AOX1: variants seen among roughly 807,000 people sequenced by gnomAD.
AOX1 encodes the protein aldehyde oxidase.
In AOX1, 153 loss-of-function variants were observed where a neutral mutation model predicts 169.5. The observed-to-expected ratio is 0.90, with a 90% CI of 0.79 to 1.03. AOX1 has a LOEUF of 1.03. Among genes scored for constraint, AOX1 ranks in the 50% least tolerant of loss-of-function variants. AOX1 has a pLI of 0.00. For missense variants in AOX1, 1,656 were observed against 1,663.9 expected (o/e 1.00, Z 0.08); for synonymous variants, 562 against 581.9 (o/e 0.97, Z 0.49).
At chr2:200,679,076 G>T (rs1007030650), downstream of AOX1, among the ~76,000 whole-genome samples, 2 of 152,048 alleles carry the variant, frequency 1.3e-5, no homozygotes, top group African/African-American at 2.4e-5. Context: ...AGATAGTTTG[G>T]AAAGAAAAAT....
intron 1 of AOX1, among the ~76,000 whole-genome samples, chr2:200,589,629 A>G (rs1471101528): frequency 6.6e-6 from 1 of 152,246 alleles, no homozygotes; most frequent in Non-Finnish European, 1.5e-5. Context: ...GTGGGTGTAC[A>G]CAGTAAACAG....
At chr2:200,596,691 A>G (rs1047372447) in intron 3 of AOX1, among the ~76,000 whole-genome samples, 2 of 152,222 alleles carry the variant, frequency 1.3e-5, no homozygotes, top group Admixed American at 6.5e-5. Context: ...CAGGAAGAGA[A>G]TAATTGTATC....
chr2:200,666,656 A>G, intron 31 of AOX1, 31 bp from the exon 32 acceptor site: 1 of 1,548,444 alleles, frequency 6.5e-7, no homozygotes, highest in Non-Finnish European at 8.8e-7. Flanking sequence ...TTCTCATTAA[A>G]ATAAACATTT....
chr2:200,600,768 G>A (rs1340247815), intron 5 of AOX1, among the ~76,000 whole-genome samples: 2 of 152,134 alleles, frequency 1.3e-5, no homozygotes, highest in Non-Finnish European at 2.9e-5. Context: ...TTTCATGGCT[G>A]TTTATGATGT....
intron 20 of AOX1, 120 bp from the exon 21 acceptor site, chr2:200,634,671 C>T: frequency 2.4e-6 from 3 of 1,235,372 alleles, no homozygotes; most frequent in Non-Finnish European, 3.4e-6. Flanking sequence ...GTTTGTTATA[C>T]TTCACTGTGC....
At chr2:200,606,910 C>A (rs2034529170) in intron 10 of AOX1, among the ~76,000 whole-genome samples, 1 of 152,164 alleles carries the variant, frequency 6.6e-6, no homozygotes, top group African/African-American at 2.4e-5. Context: ...TCTAAGTACA[C>A]AATCATGTCA....
intron 25 of AOX1, among the ~76,000 whole-genome samples, chr2:200,643,945 G>T (rs557714918): frequency 2.7e-5 from 4 of 149,480 alleles, no homozygotes; most frequent in Non-Finnish European, 5.9e-5. Flanking sequence ...GTTTCTTGTA[G>T]GTTATGGATA....
At chr2:200,608,722 A>T (rs1285625110) in intron 10 of AOX1, among the ~76,000 whole-genome samples, 1 of 87,264 alleles carries the variant, frequency 1.1e-5, no homozygotes, top group Non-Finnish European at 2.6e-5. Flanking sequence ...CACTACCACC[A>T]CCTCTATCAT....
intron 14 of AOX1, 91 bp downstream of exon 14, chr2:200,612,884 G>A: frequency 3.0e-6 from 3 of 1,013,250 alleles, no homozygotes; most frequent in Non-Finnish European, 1.4e-6. Context: ...GTGATTACAA[G>A]AAGAAAAGTG....
intron 14 of AOX1, among the ~76,000 whole-genome samples, chr2:200,613,354 C>T (rs2034685649): frequency 6.6e-6 from 1 of 152,156 alleles, no homozygotes; most frequent in African/African-American, 2.4e-5. Flanking sequence ...AGTCAGCTTA[C>T]TTAATTATAT....
intron 26 of AOX1, among the ~76,000 whole-genome samples, chr2:200,656,611 T>C (rs1246188539): frequency 6.6e-6 from 1 of 152,140 alleles, no homozygotes; most frequent in Non-Finnish European, 1.5e-5. Flanking sequence ...AGAATATGTG[T>C]GCACACAATT....
Position 200,604,077 on chromosome 2 carries a change from A to G in AOX1, c.649A>G (p.Ile217Val). 2 of 1,612,400 alleles carry G rather than the reference A, an allele frequency of 1.2e-6. No individual in the cohort carries two copies. Among genetic ancestry groups the G allele is most frequent in the South Asian group, 1.1e-5 (1 of 91,052 alleles). The part of the protein sequence containing the change: ...FLPLDPTQEL[I>V]FPPELMIMAE... ...GCCATTGGATCCAACCCAGGAACTG[A>G]TATTTCCTCCTGAGCTAATGGTGAG... The change falls in exon 8 of 35, where the codon ATA becomes GTA. Residue 217 changes from isoleucine to valine, a missense_variant. Coordinates refer to ENST00000374700, the MANE Select transcript of AOX1 (RefSeq NM_001159.4).
intron 30 of AOX1, among the ~76,000 whole-genome samples, chr2:200,662,105 GA>G (rs1241249949): frequency 6.6e-6 from 1 of 152,206 alleles, no homozygotes; most frequent in Non-Finnish European, 1.5e-5. Context: ...AGTGAATCTG[GA>G]AAACAGTTTA....
chr2:200,659,953 A>G lies in AOX1; in HGVS notation c.3301-42A>G, dbSNP rs2035788745. On this transcript the variant is annotated intron_variant, in intron 28 of 34. Coordinates refer to ENST00000374700, the MANE Select transcript of AOX1 (RefSeq NM_001159.4). Reference sequence around the variant, plus strand: ...ATGTTGTTTTGAATTTGGTGTTTGCATGAAATTAGGAGCATAATTTTAATT... The same window carrying G: ...ATGTTGTTTTGAATTTGGTGTTTGCGTGAAATTAGGAGCATAATTTTAATT... 6.1e-6 allele frequency: 9 copies of G among 1,484,002 alleles called. No individual in the cohort carries two copies. In the East Asian group the frequency reaches 1.8e-4, roughly 30 times the overall value. 91.9% of individuals were successfully genotyped at this position (1,484,002 alleles called of 1,614,324 possible). A position where few individuals can be genotyped will look rare whatever the true frequency, so the allele number is the denominator to read the frequency against.
chr2:200,604,177 C>G (rs1441347417), intron 8 of AOX1, 80 bp downstream of exon 8: 1 of 1,093,410 alleles, frequency 9.1e-7, no homozygotes, highest in Non-Finnish European at 1.4e-6. Flanking sequence ...TGGGTTCTCT[C>G]AAAAGCTGAT....
chr2:200,602,312 G>A lies in AOX1; in HGVS notation c.465G>A (p.Arg155=), dbSNP rs756343707. The A allele has an allele frequency of 3.2e-5, 51 of 1,613,826 alleles. No homozygotes were observed. The highest frequency in any genetic ancestry group is 4.3e-5 in the Non-Finnish European group (51 of 1,179,970). The change falls in exon 6 of 35, where the codon AGG becomes AGA. Residue 155 remains arginine (R), a synonymous_variant. Coordinates refer to ENST00000374700, the MANE Select transcript of AOX1 (RefSeq NM_001159.4). ...ACCTGTGCCGTTGCACTGGATACAG[G>A]CCCATAATTGATGCATGCAAGACTT... ...GGNLCRCTGY[R]PIIDACKTFC...
At chr2:200,664,380 C>T (rs139436248) in intron 31 of AOX1, among the ~76,000 whole-genome samples, 1,541 of 152,350 alleles carry the variant, frequency 0.01, 25 homozygotes, top group African/African-American at 0.035. Flanking sequence ...CCACCTTGGC[C>T]TTCCAAAGTG....
intron 23 of AOX1, among the ~76,000 whole-genome samples, chr2:200,640,603 C>T (rs1310113741): frequency 1.3e-5 from 2 of 152,140 alleles, no homozygotes; most frequent in Admixed American, 1.3e-4. Context: ...GAAGGAGGAA[C>T]CGATCTGGAA....
chr2:200,609,432 C>T lies in AOX1; in HGVS notation c.1153+18C>T, dbSNP rs1377236142. ...ATCAAAAGGTAAGTGACAGCCCCTA[C>T]TTGGAGATTATTAAGCTGTTTCTCT... On this transcript the variant is annotated intron_variant, in intron 12 of 34. Coordinates refer to ENST00000374700, the MANE Select transcript of AOX1 (RefSeq NM_001159.4). 3 of 1,601,770 alleles carry T rather than the reference C, an allele frequency of 1.9e-6. No homozygotes were observed. Among genetic ancestry groups the T allele is most frequent in the African/African-American group, 2.7e-5 (2 of 74,658 alleles).
Sources: allele counts gnomAD v4.1 joint callset (sites outside exome capture counted in the v4.1 genomes callset), GRCh38; gene constraint gnomAD v4.1.1; transcripts MANE v1.5; gene names NCBI Gene and HGNC (gene_info 2026-07-23, HGNC 2026-07-21).